The following THSD4 variants were observed in gnomAD, a reference collection of about 807,000 sequenced individuals.
THSD4 encodes thrombospondin type-1 domain-containing protein 4.
THSD4 carries 69 observed loss-of-function variants against 119.0 expected under a neutral mutation model. The ratio of observed to expected loss-of-function variants is 0.58; its 90% CI spans 0.48 to 0.71. The LOEUF (loss-of-function observed/expected upper bound fraction) is 0.71. Ranked by LOEUF, THSD4 falls within the 30% of genes least tolerant of loss-of-function variation. The pLI is 0.00. For synonymous variants in THSD4, 524 were observed against 540.4 expected, an observed-to-expected ratio of 0.97 and a Z score of 0.42; for missense variants, 1,393 against 1,391.1, an observed-to-expected ratio of 1.00 and a Z score of -0.02.
At chr15:71,633,031 A>G (rs2050661786) in intron 7 of THSD4, among the ~76,000 whole-genome samples, 1 of 152,090 alleles carries the variant, frequency 6.6e-6, no homozygotes, top group Non-Finnish European at 1.5e-5. Flanking sequence ...TTTTTTCAGG[A>G]GGCAGGACAT....
chr15:71,714,712 G>A (rs1448354053), intron 8 of THSD4, among the ~76,000 whole-genome samples: 1 of 151,006 alleles, frequency 6.6e-6, no homozygotes, highest in Non-Finnish European at 1.5e-5. Flanking sequence ...CGAGCGTGGT[G>A]ACGCATGCCT....
intron 2 of THSD4, among the ~76,000 whole-genome samples, chr15:71,142,998 T>G (rs769740551): frequency 1.2e-4 from 18 of 152,206 alleles, no homozygotes; most frequent in Non-Finnish European, 2.2e-4. Context: ...TTTAACTGAG[T>G]GCAGTGCATG....
chr15:71,642,841 C>G (rs1370928115), intron 7 of THSD4, among the ~76,000 whole-genome samples: 2 of 151,968 alleles, frequency 1.3e-5, no homozygotes, highest in Admixed American at 6.6e-5. Flanking sequence ...AAGAGATATA[C>G]CTAATGCTAA....
At chr15:71,767,527 A>C (rs1313090272) in intron 16 of THSD4, 1 of 152,248 alleles carries the variant, frequency 6.6e-6, no homozygotes, top group African/African-American at 2.4e-5. Context: ...ATTAGATGAT[A>C]GTATAATTCT....
chr15:71,295,243 C>G (rs1232578410), intron 6 of THSD4, among the ~76,000 whole-genome samples: 1 of 152,064 alleles, frequency 6.6e-6, no homozygotes, highest in East Asian at 1.9e-4. Flanking sequence ...ATGGATGAAC[C>G]AGATGAGTCC....
chr15:71,613,134 A>T (rs1470623421), intron 7 of THSD4, among the ~76,000 whole-genome samples: 3 of 152,178 alleles, frequency 2.0e-5, no homozygotes, highest in Non-Finnish European at 4.4e-5. Context: ...AGAGGTGGTG[A>T]AAAGCAGCCT....
chr15:71,707,732 C>A (rs1359077388), intron 8 of THSD4, among the ~76,000 whole-genome samples: 1 of 152,172 alleles, frequency 6.6e-6, no homozygotes, highest in African/African-American at 2.4e-5. Flanking sequence ...GAATCATAGG[C>A]TCCTAAGAAT....
At chr15:71,161,054 T>G (rs951287686) in intron 3 of THSD4, among the ~76,000 whole-genome samples, 1 of 152,122 alleles carries the variant, frequency 6.6e-6, no homozygotes, top group African/African-American at 2.4e-5. Context: ...TTCATGTATC[T>G]GTAAGGTTTT....
intron 1 of THSD4, among the ~76,000 whole-genome samples, chr15:71,126,235 C>T (rs2040454961): frequency 1.3e-5 from 2 of 152,166 alleles, no homozygotes; most frequent in African/African-American, 4.8e-5. Flanking sequence ...CCATGCATCC[C>T]TCTGAGCCTC....
intron 7 of THSD4, among the ~76,000 whole-genome samples, chr15:71,445,243 T>G (rs1003597185): frequency 1.3e-5 from 2 of 152,094 alleles, no homozygotes; most frequent in Non-Finnish European, 2.9e-5. Context: ...TAGACCTCTT[T>G]TAAGACACCC....
intron 7 of THSD4, among the ~76,000 whole-genome samples, chr15:71,614,986 C>T (rs570659496): frequency 6.6e-6 from 1 of 152,164 alleles, no homozygotes; most frequent in Non-Finnish European, 1.5e-5. Context: ...TGAGGTGTTG[C>T]GCGGAATAGG....
chr15:71,337,955 G>A (rs182471994), intron 6 of THSD4, among the ~76,000 whole-genome samples: 111 of 152,308 alleles, frequency 7.3e-4, no homozygotes, highest in Middle Eastern at 3.4e-3. Context: ...GAGCTGATAA[G>A]TTCCTGGAAG....
intron 8 of THSD4, among the ~76,000 whole-genome samples, chr15:71,683,998 C>T (rs904848479): frequency 2.0e-5 from 3 of 152,114 alleles, no homozygotes; most frequent in Non-Finnish European, 2.9e-5. Context: ...ACCATTCAGT[C>T]TAAGAACATA....
At chr15:71,340,093 G>A (rs999554805) in intron 6 of THSD4, among the ~76,000 whole-genome samples, 2 of 152,084 alleles carry the variant, frequency 1.3e-5, no homozygotes, top group Admixed American at 1.3e-4. Context: ...ATGTTGATCC[G>A]AATTTCTAGG....
intron 8 of THSD4, among the ~76,000 whole-genome samples, chr15:71,696,780 C>T (rs982131986): frequency 7.9e-5 from 12 of 152,174 alleles, no homozygotes; most frequent in Non-Finnish European, 5.9e-5. Flanking sequence ...TGCTTCCTTC[C>T]AGCCCACCCC....
chr15:71,400,941 A>G (rs533729705), intron 6 of THSD4, among the ~76,000 whole-genome samples: 25 of 152,222 alleles, frequency 1.6e-4, no homozygotes, highest in African/African-American at 6.0e-4. Flanking sequence ...GATGTTCCCT[A>G]TTCTCCAGGA....
chr15:71,513,589 G>A (rs1389945966), intron 7 of THSD4, among the ~76,000 whole-genome samples: 3 of 152,174 alleles, frequency 2.0e-5, no homozygotes, highest in African/African-American at 7.2e-5. Context: ...ATACCAAGGT[G>A]AGGATGAGAG....
chr15:71,176,085 A>G (rs1322235593), intron 3 of THSD4, among the ~76,000 whole-genome samples: 46 of 144,324 alleles, frequency 3.2e-4, no homozygotes, highest in African/African-American at 1.1e-3. Context: ...TCAACTAATG[A>G]GCAAAATCAC....
At chr15:71,283,375 A>G (rs1049012652) in intron 6 of THSD4, among the ~76,000 whole-genome samples, 3 of 152,158 alleles carry the variant, frequency 2.0e-5, no homozygotes, top group Admixed American at 1.3e-4. Flanking sequence ...TGTTGCTCAC[A>G]TATGGTTTTA....
Sources: allele counts gnomAD v4.1 joint callset (sites outside exome capture counted in the v4.1 genomes callset), GRCh38; gene constraint gnomAD v4.1.1; transcripts MANE v1.5; gene names NCBI Gene and HGNC (gene_info 2026-07-23, HGNC 2026-07-21).